NR4A1: variants seen among roughly 807,000 people sequenced by gnomAD.
NR4A1 encodes the protein nuclear receptor subfamily 4 group A member 1.
Under a neutral mutation model 47.5 loss-of-function variants are expected in NR4A1, and 24 were observed. The observed-to-expected ratio is 0.50, with a 90% confidence interval of 0.37 to 0.71. NR4A1 has a LOEUF of 0.71. NR4A1 is among the 30% of genes least tolerant of loss of function. The probability of loss-of-function intolerance (pLI) is 0.00; values close to 1 mark genes in which losing one functional copy is unlikely to be tolerated. For missense variants in NR4A1, 669 were observed against 788.6 expected (o/e 0.85, Z 1.82); for synonymous variants, 353 against 345.7 (o/e 1.02, Z -0.24).
chr12:52,047,936 C>T (rs959681197), upstream of NR4A1, among the ~76,000 whole-genome samples: 5 of 151,934 alleles, frequency 3.3e-5, no homozygotes, highest in Non-Finnish European at 5.9e-5. Context: ...GGGTGGATCA[C>T]GAGGTCAGGA....
At chr12:52,035,301 A>G (rs1938212502) in intron 1 of NR4A1, among the ~76,000 whole-genome samples, 1 of 152,264 alleles carries the variant, frequency 6.6e-6, no homozygotes, top group South Asian at 2.1e-4. Context: ...AGGAGAATAT[A>G]TAATAAAGAC....
chr12:52,056,395 G>T, intron 3 of NR4A1, 99 bp from the exon 4 acceptor site: 1 of 1,511,714 alleles, frequency 6.6e-7, no homozygotes. Flanking sequence ...GGGTCCTAGG[G>T]ACTCGGTGGG....
At chr12:52,049,696 C>G (rs1938824173), upstream of NR4A1, among the ~76,000 whole-genome samples, 1 of 151,986 alleles carries the variant, frequency 6.6e-6, no homozygotes, top group Non-Finnish European at 1.5e-5. Context: ...AGGAAAGGAC[C>G]CAAGAGATGT....
At position 52,058,993 on chromosome 12, in the gene NR4A1, CA is replaced by C. The variant is rs1565656356; in HGVS notation, c.*50del. On this transcript the variant is annotated 3_prime_UTR_variant, in exon 7 of 7. Transcript: ENST00000394825. ...ACATGCGCACTCTCATATGCCACCC[CA>C]TGTGCCTTTAGTCCACGGACCCCCA... The C allele has an allele frequency of 6.4e-7, 1 of 1,566,156 alleles. No homozygotes were observed. The highest frequency in any genetic ancestry group is 1.3e-5 in the African/African-American group (1 of 74,284).
At chr12:52,028,777 G>A (rs747202626) in intron 1 of NR4A1, among the ~76,000 whole-genome samples, 3 of 151,862 alleles carry the variant, frequency 2.0e-5, no homozygotes, top group South Asian at 4.2e-4. Flanking sequence ...GGTGGTGGGC[G>A]CTTGTAATCC....
rs762578869 is a variant in NR4A1 at position 52,056,521 on chromosome 12, G to T, written c.1034G>T (p.Arg345Leu). The T allele has an allele frequency of 6.2e-7, 1 of 1,613,288 alleles. No individual in the cohort carries two copies. The highest frequency in any genetic ancestry group is 8.5e-7 in the Non-Finnish European group (1 of 1,179,738). Reference protein sequence around the residue: ...EVVRTDSLKGRRGRLPSKPKQ... With the variant: ...EVVRTDSLKGLRGRLPSKPKQ... ...GTCCGAACAGACAGCCTGAAGGGGCGGCGGGGCCGGCTACCTTCAAAACCC... is the reference window on the plus strand; with the variant it reads ...GTCCGAACAGACAGCCTGAAGGGGCTGCGGGGCCGGCTACCTTCAAAACCC... Residue 345 changes from arginine (R) to leucine (L), a missense_variant, in exon 4 of 7, where the codon CGG becomes CTG. Coordinates refer to ENST00000394825, the MANE Select transcript of NR4A1 (RefSeq NM_173157.3).
chr12:52,046,896 GGAAACAGTATGCACAGTGGGT>G (rs1167156338), upstream of NR4A1, among the ~76,000 whole-genome samples: 3 of 152,146 alleles, frequency 2.0e-5, no homozygotes, highest in African/African-American at 4.8e-5. Flanking sequence ...TAGGAGGAAG[GGAAACAGTATGCACAGTGGGT>G]GAAACAGTAT....
intron 1 of NR4A1, among the ~76,000 whole-genome samples, chr12:52,035,686 C>T (rs1161438015): frequency 1.3e-5 from 2 of 152,062 alleles, no homozygotes; most frequent in Non-Finnish European, 2.9e-5. Flanking sequence ...TGTACAGGTT[C>T]TTGGGATGTG....
At chr12:52,043,990 C>G in intron 2 of NR4A1, 1 of 1,221,856 alleles carries the variant, frequency 8.2e-7, no homozygotes, top group Non-Finnish European at 1.1e-6. Context: ...TCATGCCAAA[C>G]CCTTTGGCCT....
intron 6 of NR4A1, 146 bp from the exon 7 acceptor site, chr12:52,058,542 A>C: frequency 7.8e-6 from 8 of 1,029,614 alleles, no homozygotes; most frequent in Non-Finnish European, 9.6e-6. Flanking sequence ...GATGCTTACT[A>C]ATGGCCAACA....
At chr12:52,056,848 C>T (rs1412986122) in intron 4 of NR4A1, 12 of 807,826 alleles carry the variant, frequency 1.5e-5, no homozygotes, top group Non-Finnish European at 2.3e-5. Context: ...AATGCACCCC[C>T]TCAGGCAGGT....
chr12:52,052,293 G>A (rs905344793), intron 1 of NR4A1, among the ~76,000 whole-genome samples: 2 of 143,490 alleles, frequency 1.4e-5, no homozygotes, highest in Non-Finnish European at 3.0e-5. Flanking sequence ...GTGTGTGTGT[G>A]TGTGTGTGTG....
intron 1 of NR4A1, among the ~76,000 whole-genome samples, chr12:52,023,720 G>A (rs1474234220): frequency 6.6e-6 from 1 of 151,492 alleles, no homozygotes. Flanking sequence ...CTCCTGCCCC[G>A]GCCCAGCCCG....
chr12:52,036,751 G>A (rs754570822), intron 1 of NR4A1, among the ~76,000 whole-genome samples: 1 of 152,254 alleles, frequency 6.6e-6, no homozygotes, highest in African/African-American at 2.4e-5. Context: ...CAGGCAGGGC[G>A]CCCGCAGACT....
intron 1 of NR4A1, among the ~76,000 whole-genome samples, chr12:52,036,590 CT>C (rs1938241648): frequency 6.6e-6 from 1 of 152,204 alleles, no homozygotes; most frequent in Non-Finnish European, 1.5e-5. Context: ...AATCCATCAC[CT>C]GGGCTTTGCC....
intron 1 of NR4A1, chr12:52,023,070 C>G (rs1937917786): frequency 6.5e-6 from 1 of 152,678 alleles, no homozygotes; most frequent in South Asian, 2.1e-4. Context: ...CTGGGGCGCA[C>G]AGCCGGCAGG....
rs1456282201 is a variant in NR4A1, at chr12:52,051,509, C to G, written c.-62C>G. The G allele has an allele frequency of 1.0e-6, 1 of 985,784 alleles. No individual in the cohort carries two copies. Among genetic ancestry groups the G allele is most frequent in the Non-Finnish European group, 1.2e-6 (1 of 830,184 alleles). The allele number at this position is 985,784 out of a possible 1,614,324, so 61.1% of individuals were successfully genotyped here. A position where few individuals can be genotyped will look rare whatever the true frequency, so the allele number is the denominator to read the frequency against. On this transcript the variant is annotated 5_prime_UTR_variant, in exon 1 of 7. Coordinates refer to ENST00000394825, the MANE Select transcript of NR4A1 (RefSeq NM_173157.3). The stretch of plus-strand genomic sequence containing the variant: ...AAGAACTTCGGGAGCGCACGCGGGA[C>G]CAGGGACCAGGCTGAGACTCGGGGC...
intron 2 of NR4A1, among the ~76,000 whole-genome samples, chr12:52,042,581 C>A (rs1938480685): frequency 6.6e-6 from 1 of 152,124 alleles, no homozygotes; most frequent in African/African-American, 2.4e-5. Flanking sequence ...TCCAGGGGTC[C>A]TGCAGTGAGG....
chr12:52,056,840 T>G lies in NR4A1; in HGVS notation c.1158+195T>G, dbSNP rs560134392. On this transcript the variant is annotated intron_variant, in intron 4 of 6. Coordinates refer to ENST00000394825, the MANE Select transcript of NR4A1 (RefSeq NM_173157.3). ...CCTCTCGGCTGACCAGATGGGAAAA[T>G]GCACCCCCTCAGGCAGGTGGCCAAT... 9.8e-6 allele frequency: 8 copies of G among 815,150 alleles called. No homozygotes were observed. In the African/African-American group the frequency reaches 1.4e-4, roughly 14 times the overall value. The allele number at this position is 815,150 out of a possible 1,614,324, so 50.5% of individuals were successfully genotyped here.
Sources: allele counts gnomAD v4.1 joint callset (sites outside exome capture counted in the v4.1 genomes callset), GRCh38; gene constraint gnomAD v4.1.1; transcripts MANE v1.5; gene names NCBI Gene and HGNC (gene_info 2026-07-23, HGNC 2026-07-21).